Variants in PRKN observed in about 807,000 individuals in gnomAD.
The protein encoded by PRKN is E3 ubiquitin-protein ligase parkin.
In PRKN, 56 loss-of-function variants were observed where a neutral mutation model predicts 59.5. The ratio of observed to expected loss-of-function variants is 0.94; its 90% CI spans 0.76 to 1.18. The LOEUF is 1.18. Among genes scored for constraint, PRKN ranks in the 50% most tolerant of loss-of-function variants. The probability of loss-of-function intolerance (pLI) is 0.00; values close to 1 mark genes in which losing one functional copy is unlikely to be tolerated. For missense variants in PRKN, 657 were observed against 596.4 expected (o/e 1.10, Z -1.06); for synonymous variants, 250 against 222.1 (o/e 1.13, Z -1.12).
chr6:162,348,089 AAAAG>A (rs1784479775), intron 2 of PRKN, among the ~76,000 whole-genome samples: 1 of 152,182 alleles, frequency 6.6e-6, no homozygotes, highest in South Asian at 2.1e-4. Flanking sequence ...GAGAAAACTA[AAAAG>A]AACCTACCCA....
chr6:162,349,143 T>G (rs1187313417), intron 2 of PRKN, among the ~76,000 whole-genome samples: 1 of 151,938 alleles, frequency 6.6e-6, no homozygotes, highest in African/African-American at 2.4e-5. Flanking sequence ...AAAAATTACA[T>G]GAATCTACAC....
intron 5 of PRKN, among the ~76,000 whole-genome samples, chr6:162,022,468 T>C (rs1446392702): frequency 1.3e-5 from 2 of 152,218 alleles, no homozygotes; most frequent in Non-Finnish European, 2.9e-5. Flanking sequence ...TGGCTGCCTA[T>C]ATGTCTTCTT....
chr6:161,968,187 A>ATTTTTT (rs530441181), intron 6 of PRKN, among the ~76,000 whole-genome samples: 1 of 127,984 alleles, frequency 7.8e-6, no homozygotes, highest in Non-Finnish European at 1.6e-5. Flanking sequence ...TGCCTGGCTA[A>ATTTTTT]TTTTTTTTTT....
chr6:162,489,217 T>C lies in PRKN; in HGVS notation c.8-45744A>G, dbSNP rs1346914697. Among the ~76,000 whole-genome samples, 7 of 152,174 alleles carry C rather than the reference T, an allele frequency of 4.6e-5. No individual in the cohort carries two copies. The East Asian group carries it at 5.8e-4, about 13-fold the overall frequency. ...TAAACAAAGTTCAAATTTACTCCAA[T>C]GCACAAAAATTCAGTTAATCTCTAT... is the stretch of plus-strand genomic sequence containing the variant. On this transcript the variant is annotated intron_variant, in intron 1 of 11. Transcript: ENST00000366898.
chr6:162,303,966 T>A (rs1782088265), intron 2 of PRKN, among the ~76,000 whole-genome samples: 1 of 152,074 alleles, frequency 6.6e-6, no homozygotes, highest in Non-Finnish European at 1.5e-5. Flanking sequence ...CCTGGAAATA[T>A]GTTAAAGGTC....
At chr6:161,981,695 A>G (rs1781263305) in intron 5 of PRKN, among the ~76,000 whole-genome samples, 1 of 152,242 alleles carries the variant, frequency 6.6e-6, no homozygotes, top group Non-Finnish European at 1.5e-5. Context: ...ACTGGGTATT[A>G]CATAAACCCA....
intron 4 of PRKN, among the ~76,000 whole-genome samples, chr6:162,081,090 A>T (rs141666236): frequency 2.6e-5 from 4 of 151,870 alleles, no homozygotes; most frequent in African/African-American, 9.7e-5. Flanking sequence ...TGCTATTTTC[A>T]CCTCATCTTC....
intron 9 of PRKN, among the ~76,000 whole-genome samples, chr6:161,436,787 G>A (rs999293645): frequency 1.3e-5 from 2 of 152,070 alleles, no homozygotes; most frequent in African/African-American, 2.4e-5. Flanking sequence ...CTATTGAAAT[G>A]TCTGTATCTG....
intron 7 of PRKN, among the ~76,000 whole-genome samples, chr6:161,613,933 C>T (rs1224845194): frequency 6.6e-6 from 1 of 152,224 alleles, no homozygotes; most frequent in Admixed American, 6.5e-5. Flanking sequence ...AAGTCCAGCA[C>T]TGCTCTGTGG....
At chr6:162,443,081 T>C (rs566830001) in intron 2 of PRKN, among the ~76,000 whole-genome samples, 1 of 150,386 alleles carries the variant, frequency 6.6e-6, no homozygotes, top group South Asian at 2.1e-4. Context: ...GTGTGTTCTT[T>C]CTCTCTCTCT....
chr6:161,814,504 T>C (rs1583198653), intron 6 of PRKN, among the ~76,000 whole-genome samples: 2 of 152,196 alleles, frequency 1.3e-5, no homozygotes, highest in East Asian at 3.9e-4. Context: ...GGGAACTGCC[T>C]TTTTTTCTTT....
intron 2 of PRKN, among the ~76,000 whole-genome samples, chr6:162,339,252 G>GC (rs1378239186): frequency 6.9e-6 from 1 of 144,514 alleles, no homozygotes; most frequent in Non-Finnish European, 1.5e-5. Flanking sequence ...GTGGGGGTCA[G>GC]CCCCCCGCCC....
chr6:162,191,547 A>G (rs1424812739), intron 4 of PRKN, among the ~76,000 whole-genome samples: 1 of 152,072 alleles, frequency 6.6e-6, no homozygotes, highest in Non-Finnish European at 1.5e-5. Flanking sequence ...GGTTCAAGTG[A>G]TTCTCCTGCC....
chr6:162,443,868 T>C (rs930048162), intron 1 of PRKN, among the ~76,000 whole-genome samples: 4 of 151,678 alleles, frequency 2.6e-5, no homozygotes, highest in African/African-American at 7.3e-5. Flanking sequence ...TTAATAAAAA[T>C]AGGAGGCGAT....
intron 7 of PRKN, among the ~76,000 whole-genome samples, chr6:161,651,877 C>T (rs1472978055): frequency 1.3e-5 from 2 of 152,118 alleles, no homozygotes; most frequent in Admixed American, 6.5e-5. Context: ...GTAATGTGTT[C>T]CTCCATTATA....
intron 2 of PRKN, among the ~76,000 whole-genome samples, chr6:162,296,932 A>G (rs1299723759): frequency 1.3e-5 from 2 of 152,066 alleles, no homozygotes; most frequent in African/African-American, 4.8e-5. Context: ...ATAAAATCTG[A>G]AAAATAAAGT....
In PRKN at chr6:161,755,403, C is replaced by A. The variant is rs1366608370; in HGVS notation, c.871+30369G>T. Among the ~76,000 whole-genome samples, 3 of 151,994 alleles carry A rather than the reference C, an allele frequency of 2.0e-5. No homozygotes were observed. In the East Asian group the frequency reaches 5.8e-4, roughly 29 times the overall value. ...CACTCCCAGATAGTTCTGAAATTGTCATGTTGGAAAGTACTTGATAACTGT... is the reference window on the plus strand; with the variant it reads ...CACTCCCAGATAGTTCTGAAATTGTAATGTTGGAAAGTACTTGATAACTGT... On this transcript the variant is annotated intron_variant, in intron 7 of 11. Coordinates refer to ENST00000366898, the MANE Select transcript of PRKN (RefSeq NM_004562.3).
At chr6:161,367,077 G>A (rs1157620498) in intron 10 of PRKN, among the ~76,000 whole-genome samples, 2 of 133,138 alleles carry the variant, frequency 1.5e-5, no homozygotes, top group African/African-American at 5.7e-5. Flanking sequence ...TGCAAGCTCC[G>A]CCTCCCGGGT....
rs181718887 is a variant in PRKN, at chr6:161,933,004, G to A, written c.734+40298C>T. On this transcript the variant is annotated intron_variant, in intron 6 of 11. Transcript: ENST00000366898. The stretch of plus-strand genomic sequence containing the variant: ...GTTTTAAATCACTAAAACCAGCCGG[G>A]TGTGATGGCTCACGCCTGTAATCCC... Among the ~76,000 whole-genome samples the A allele has an allele frequency of 4.6e-5, 7 of 152,324 alleles. No homozygotes were observed. The East Asian group carries it at 1.4e-3, about 29-fold the overall frequency.
Sources: allele counts gnomAD v4.1 joint callset (sites outside exome capture counted in the v4.1 genomes callset), GRCh38; gene constraint gnomAD v4.1.1; transcripts MANE v1.5; gene names NCBI Gene and HGNC (gene_info 2026-07-23, HGNC 2026-07-21).